DNAJC3: variants seen among roughly 807,000 people sequenced by gnomAD.
DNAJC3 encodes the protein DnaJ heat shock protein family (Hsp40) member C3.
DNAJC3 carries 38 observed loss-of-function variants against 68.6 expected under a neutral mutation model. The ratio of observed to expected loss-of-function variants is 0.55; its 90% confidence interval spans 0.43 to 0.73. The LOEUF (loss-of-function observed/expected upper bound fraction) is 0.73. Among genes scored for constraint, DNAJC3 ranks in the 30% least tolerant of loss-of-function variants. The probability of loss-of-function intolerance (pLI) is 0.00; values close to 1 mark genes in which losing one functional copy is unlikely to be tolerated. For synonymous variants in DNAJC3, 203 were observed against 204.0 expected, an observed-to-expected ratio of 1.00 and a Z score of 0.04; for missense variants, 526 against 591.9, an observed-to-expected ratio of 0.89 and a Z score of 1.16.
chr13:95,708,787 C>T (rs1000483194), intron 1 of DNAJC3, among the ~76,000 whole-genome samples: 1 of 152,176 alleles, frequency 6.6e-6, no homozygotes, highest in Admixed American at 6.5e-5. Context: ...GTATGAGGGG[C>T]AGGAGTTTTT....
chr13:95,698,891 C>T (rs1880518433), intron 1 of DNAJC3, among the ~76,000 whole-genome samples: 1 of 152,208 alleles, frequency 6.6e-6, no homozygotes, highest in African/African-American at 2.4e-5. Context: ...GGCATGAAAC[C>T]TGACCCTGAA....
intron 2 of DNAJC3, among the ~76,000 whole-genome samples, chr13:95,711,132 A>T (rs1178736704): frequency 6.6e-6 from 1 of 152,172 alleles, no homozygotes; most frequent in Non-Finnish European, 1.5e-5. Context: ...GATTTTTATT[A>T]TTCAGATTTT....
intron 9 of DNAJC3, among the ~76,000 whole-genome samples, chr13:95,778,232 A>G (rs1316798193): frequency 3.9e-5 from 6 of 152,238 alleles, no homozygotes; most frequent in Admixed American, 3.9e-4. Context: ...GATGAAAAAT[A>G]TTGGAGACAT....
At chr13:95,774,565 A>C (rs570817512) in intron 9 of DNAJC3, among the ~76,000 whole-genome samples, 1 of 152,342 alleles carries the variant, frequency 6.6e-6, no homozygotes, top group East Asian at 1.9e-4. Context: ...AGAGTTGTTA[A>C]GATCTTTGAT....
chr13:95,748,774 C>G (rs1882386574), intron 4 of DNAJC3, among the ~76,000 whole-genome samples: 1 of 152,146 alleles, frequency 6.6e-6, no homozygotes, highest in African/African-American at 2.4e-5. Flanking sequence ...TGAGATTGCA[C>G]CACTATACTC....
At chr13:95,788,735 G>A (rs1883675287) in intron 11 of DNAJC3, among the ~76,000 whole-genome samples, 1 of 152,086 alleles carries the variant, frequency 6.6e-6, no homozygotes, top group South Asian at 2.1e-4. Flanking sequence ...TCCATTCACA[G>A]CATCCTTTCT....
chr13:95,677,600 C>G (rs1035259811), intron 1 of DNAJC3, among the ~76,000 whole-genome samples: 1 of 152,174 alleles, frequency 6.6e-6, no homozygotes, highest in Non-Finnish European at 1.5e-5. Flanking sequence ...AGGCGGGGTG[C>G]GGGGGCACCG....
At chr13:95,688,165 C>T (rs1293768875) in intron 1 of DNAJC3, among the ~76,000 whole-genome samples, 1 of 152,128 alleles carries the variant, frequency 6.6e-6, no homozygotes, top group Non-Finnish European at 1.5e-5. Context: ...TTATCAGTTC[C>T]AGGAGCCTTT....
Position 95,760,091 on chromosome 13 carries a change from A to G in DNAJC3, c.598A>G (p.Lys200Glu), listed in dbSNP as rs1882775737. 2 of 1,611,488 alleles carry G rather than the reference A, an allele frequency of 1.2e-6. No individual in the cohort carries two copies. Among genetic ancestry groups the G allele is most frequent in the Non-Finnish European group, 1.7e-6 (2 of 1,178,586 alleles). ...GGAACTTCGAGCTGAATGTTTTATA[A>G]AAGAAGGAGAACCTAGGAAAGCTAT... ...LRELRAECFI[K>E]EGEPRKAISD... is the part of the protein sequence containing the mutation. The change falls in exon 6 of 12, where the codon AAA becomes GAA. Residue 200 changes from lysine to glutamate, a missense_variant. By Grantham distance (56) the Lys-to-Glu change is moderately conservative. Coordinates refer to ENST00000602402, the MANE Select transcript of DNAJC3 (RefSeq NM_006260.5).
At chr13:95,687,521 T>C (rs1405299101) in intron 1 of DNAJC3, among the ~76,000 whole-genome samples, 2 of 152,174 alleles carry the variant, frequency 1.3e-5, no homozygotes, top group South Asian at 2.1e-4. Context: ...ATGTGGCCTT[T>C]ATTATGTTGA....
intron 4 of DNAJC3, among the ~76,000 whole-genome samples, chr13:95,728,702 G>A (rs1025903254): frequency 6.6e-6 from 1 of 152,106 alleles, no homozygotes; most frequent in African/African-American, 2.4e-5. Context: ...GCATATTTAT[G>A]TATTTTTGAG....
chr13:95,748,341 G>C (rs915222567), intron 4 of DNAJC3, among the ~76,000 whole-genome samples: 7 of 152,028 alleles, frequency 4.6e-5, no homozygotes, highest in Non-Finnish European at 1.0e-4. Flanking sequence ...ATAAACCTTT[G>C]GTAAGACATT....
At chr13:95,761,771 C>CTT (rs796680903) in intron 7 of DNAJC3, among the ~76,000 whole-genome samples, 3 of 142,886 alleles carry the variant, frequency 2.1e-5, no homozygotes, top group Admixed American at 7.0e-5. Flanking sequence ...TTGGGATTGG[C>CTT]TTTTTTTTTT....
At chr13:95,733,492 A>G (rs916149704) in intron 4 of DNAJC3, among the ~76,000 whole-genome samples, 1 of 152,110 alleles carries the variant, frequency 6.6e-6, no homozygotes, top group Non-Finnish European at 1.5e-5. Flanking sequence ...CCTGGGTTCA[A>G]GCAATTCTCC....
At chr13:95,717,394 A>G (rs1187392259) in intron 2 of DNAJC3, among the ~76,000 whole-genome samples, 1 of 152,212 alleles carries the variant, frequency 6.6e-6, no homozygotes. Flanking sequence ...AAAGGAAACA[A>G]AAAGTGCTCT....
At chr13:95,728,281 A>T (rs1881594479) in intron 4 of DNAJC3, among the ~76,000 whole-genome samples, 1 of 152,180 alleles carries the variant, frequency 6.6e-6, no homozygotes, top group South Asian at 2.1e-4. Context: ...GAAAGCACCA[A>T]ATTGCTTTCC....
At chr13:95,683,856 C>G (rs1879994977) in intron 1 of DNAJC3, among the ~76,000 whole-genome samples, 1 of 145,558 alleles carries the variant, frequency 6.9e-6, no homozygotes, top group South Asian at 2.1e-4. Flanking sequence ...TTGCTTAAAC[C>G]TGGGAGGCAG....
chr13:95,729,128 C>T (rs918312472), intron 4 of DNAJC3, among the ~76,000 whole-genome samples: 1 of 152,018 alleles, frequency 6.6e-6, no homozygotes, highest in Non-Finnish European at 1.5e-5. Flanking sequence ...TGCATATGAA[C>T]ATGATTTTAA....
At chr13:95,685,966 C>CT (rs374118316) in intron 1 of DNAJC3, among the ~76,000 whole-genome samples, 240 of 143,568 alleles carry the variant, frequency 1.7e-3, no homozygotes, top group Middle Eastern at 3.6e-3. Context: ...CCTTTGCCCA[C>CT]TTTTTTTTTT....
Sources: gnomAD v4.1 joint callset for allele counts (sites outside exome capture counted in the v4.1 genomes callset) on GRCh38, gnomAD v4.1.1 for gene constraint, MANE v1.5 for transcripts, NCBI Gene and HGNC (gene_info 2026-07-23, HGNC 2026-07-21) for gene names.